XXYLT1: variants seen among roughly 807,000 people sequenced by gnomAD.
XXYLT1 encodes UDP-xylose:alpha-xyloside alpha-1,3-xylosyltransferase.
In XXYLT1, 20 loss-of-function variants were observed where a neutral mutation model predicts 28.9. That is an observed-to-expected ratio of 0.69 (90% CI 0.49 to 1.00). XXYLT1 has a LOEUF of 1.00. Among genes scored for constraint, XXYLT1 ranks in the 50% least tolerant of loss-of-function variants. XXYLT1 has a pLI of 0.00. For synonymous variants in XXYLT1, 257 were observed against 253.8 expected (o/e 1.01, Z -0.12); for missense variants, 542 against 560.1 (o/e 0.97, Z 0.33).
At chr3:195,182,248 G>A (rs1874102) in intron 2 of XXYLT1, among the ~76,000 whole-genome samples, 17,297 of 152,160 alleles carry the variant, frequency 0.11, 1,285 homozygotes, top group African/African-American at 0.22. Flanking sequence ...AGTGCAGATC[G>A]GGAATCAGCA....
chr3:195,161,018 A>G (rs1189122994), intron 2 of XXYLT1, among the ~76,000 whole-genome samples: 1 of 152,190 alleles, frequency 6.6e-6, no homozygotes, highest in African/African-American at 2.4e-5. Flanking sequence ...GGAGCTTGCC[A>G]AGGGTCCTGC....
chr3:195,134,866 T>A (rs757715799), intron 3 of XXYLT1, among the ~76,000 whole-genome samples: 3 of 93,504 alleles, frequency 3.2e-5, no homozygotes. Flanking sequence ...TGTGTGTGTG[T>A]GTGCGTGTGC....
intron 1 of XXYLT1, 130 bp from the exon 2 acceptor site, chr3:195,226,986 G>A (rs1724084376): frequency 1.8e-6 from 2 of 1,112,908 alleles, no homozygotes; most frequent in Non-Finnish European, 1.3e-6. Flanking sequence ...AGCAGGGGAT[G>A]GGGCTAGGGG....
chr3:195,111,117 C>A (rs546133237), intron 3 of XXYLT1, among the ~76,000 whole-genome samples: 16 of 152,174 alleles, frequency 1.1e-4, no homozygotes, highest in African/African-American at 3.1e-4. Flanking sequence ...CTGTTCCAGG[C>A]CGCTCCCCTA....
intron 3 of XXYLT1, among the ~76,000 whole-genome samples, chr3:195,118,569 T>G (rs1718170044): frequency 6.6e-6 from 1 of 152,252 alleles, no homozygotes. Context: ...TCTGAAGGGC[T>G]GTGGGCTGCA....
chr3:195,110,185 TGTGGGTGAG>T (rs1717459875), intron 3 of XXYLT1, among the ~76,000 whole-genome samples: 1 of 61,206 alleles, frequency 1.6e-5, no homozygotes, highest in Non-Finnish European at 4.0e-5. Context: ...TATGTGTGTG[TGTGGGTGAG>T]GTGTATGTGT....
chr3:195,148,708 C>T (rs1720010504), intron 3 of XXYLT1, among the ~76,000 whole-genome samples: 1 of 152,148 alleles, frequency 6.6e-6, no homozygotes, highest in Non-Finnish European at 1.5e-5. Flanking sequence ...GGAAAGTGTG[C>T]TTGGCTAGAG....
At chr3:195,141,207 C>T (rs887856569) in intron 3 of XXYLT1, among the ~76,000 whole-genome samples, 2 of 152,190 alleles carry the variant, frequency 1.3e-5, no homozygotes, top group Non-Finnish European at 2.9e-5. Flanking sequence ...TGGTAAGATT[C>T]ATCTATACAG....
chr3:195,080,112 G>A (rs1479040209), intron 3 of XXYLT1, among the ~76,000 whole-genome samples: 2 of 152,186 alleles, frequency 1.3e-5, no homozygotes, highest in African/African-American at 2.4e-5. Context: ...GGGGCGGGAG[G>A]AGAACGTGCC....
chr3:195,094,105 A>T (rs1716279130), intron 3 of XXYLT1: 1 of 152,964 alleles, frequency 6.5e-6, no homozygotes, highest in African/African-American at 2.4e-5. Flanking sequence ...TGAAACATGA[A>T]ATTCACAGCA....
At chr3:195,101,703 G>C (rs1716782424) in intron 3 of XXYLT1, among the ~76,000 whole-genome samples, 2 of 151,062 alleles carry the variant, frequency 1.3e-5, no homozygotes, top group African/African-American at 4.9e-5. Context: ...GTGTGTTCCT[G>C]TTATCCTAGC....
chr3:195,111,023 CTGAT>C (rs1310116631), intron 3 of XXYLT1, among the ~76,000 whole-genome samples: 3 of 151,958 alleles, frequency 2.0e-5, no homozygotes, highest in Non-Finnish European at 4.4e-5. Flanking sequence ...ACAGCAGACA[CTGAT>C]TGTCCGCAGT....
intron 2 of XXYLT1, among the ~76,000 whole-genome samples, chr3:195,213,586 G>C (rs546421798): frequency 6.6e-6 from 1 of 152,192 alleles, no homozygotes; most frequent in Non-Finnish European, 1.5e-5. Flanking sequence ...CTTAAAGTGA[G>C]TACTGTGGAA....
At chr3:195,101,207 G>A (rs1279134034) in intron 3 of XXYLT1, among the ~76,000 whole-genome samples, 1 of 152,254 alleles carries the variant, frequency 6.6e-6, no homozygotes, top group African/African-American at 2.4e-5. Flanking sequence ...CCGTCCTTAC[G>A]GCGCTTGGGC....
chr3:195,209,721 C>T lies in XXYLT1; in HGVS notation c.652+16988G>A, dbSNP rs148220469. On this transcript the variant is annotated intron_variant, in intron 2 of 3. Transcript: ENST00000310380. This position sits in a 1 kb window ranked among gnomAD's most constrained non-coding sequence, Gnocchi z 5.0. The stretch of plus-strand genomic sequence containing the variant: ...CAGGAACGCTGACCAGGAAAACCCG[C>T]CAGGCAAGGGGAGGCCGGGCCCACA... 5.5e-3 allele frequency: 836 copies of T among 152,996 alleles called. 8 individuals are homozygous for T. The highest frequency in any genetic ancestry group is 7.8e-3 in the Non-Finnish European group (534 of 68,572). The allele number at this position is 152,996 out of a possible 1,614,324, so 9.5% of individuals were successfully genotyped here.
chr3:195,085,615 C>T (rs192922157), intron 3 of XXYLT1, among the ~76,000 whole-genome samples: 5 of 152,310 alleles, frequency 3.3e-5, no homozygotes, highest in South Asian at 4.1e-4. Context: ...AGTCATCCTG[C>T]GGGCCGCGGT....
chr3:195,088,672 T>C (rs1222581382), intron 3 of XXYLT1, among the ~76,000 whole-genome samples: 70 of 139,998 alleles, frequency 5.0e-4, no homozygotes, highest in African/African-American at 1.6e-3. Context: ...CAAAGCTGGA[T>C]GGAGAATGAC....
intron 3 of XXYLT1, among the ~76,000 whole-genome samples, chr3:195,080,437 A>T (rs1362920177): frequency 2.6e-5 from 4 of 151,976 alleles, no homozygotes; most frequent in Non-Finnish European, 4.4e-5. Flanking sequence ...GAAACCACAG[A>T]GCCGGCAGCC....
chr3:195,108,124 A>G (rs1332985437), intron 3 of XXYLT1, among the ~76,000 whole-genome samples: 1 of 152,248 alleles, frequency 6.6e-6, no homozygotes, highest in African/African-American at 2.4e-5. Context: ...GGTGACCTGC[A>G]GAGGCAACCC....
Sources: allele counts gnomAD v4.1 joint callset (sites outside exome capture counted in the v4.1 genomes callset), GRCh38; gene constraint gnomAD v4.1.1; non-coding constraint Gnocchi (gnomAD v3.1); transcripts MANE v1.5; gene names NCBI Gene and HGNC (gene_info 2026-07-23, HGNC 2026-07-21).